The following GALNT13 variants were observed in gnomAD, a reference collection of about 807,000 sequenced individuals.
The protein encoded by GALNT13 is polypeptide N-acetylgalactosaminyltransferase 13.
A neutral mutation model predicts 64.2 loss-of-function variants in GALNT13; 28 were observed. That is an observed-to-expected ratio of 0.44 (90% CI 0.32 to 0.60). The LOEUF is 0.60. Ranked by LOEUF, GALNT13 falls within the 20% of genes least tolerant of loss-of-function variation. GALNT13 has a pLI of 0.05. For missense variants in GALNT13, 577 were observed against 669.8 expected (o/e 0.86, Z 1.53); for synonymous variants, 214 against 224.6 (o/e 0.95, Z 0.42).
chr2:153,547,644 T>A, the GALNT13 span, among the ~76,000 whole-genome samples: 1 of 152,240 alleles, frequency 6.6e-6, no homozygotes, highest in Non-Finnish European at 1.5e-5. Flanking sequence ...GAGCTTATGT[T>A]CTCATGAATA....
intron 3 of GALNT13, among the ~76,000 whole-genome samples, chr2:154,112,757 A>G (rs1703058231): frequency 6.6e-6 from 1 of 152,190 alleles, no homozygotes; most frequent in South Asian, 2.1e-4. Context: ...GTTCACTTTC[A>G]GGTGGTGCCT....
intron 3 of GALNT13, among the ~76,000 whole-genome samples, chr2:154,012,597 A>G (rs1696723717): frequency 6.6e-6 from 1 of 152,110 alleles, no homozygotes; most frequent in Non-Finnish European, 1.5e-5. Flanking sequence ...TTTTTTGAAC[A>G]TGAATATTGG....
At position 154,096,003 on chromosome 2, in the gene GALNT13, G is replaced by C. The variant is rs143930782; in HGVS notation, c.143-44334G>C. On this transcript the variant is annotated intron_variant, in intron 3 of 12. Coordinates refer to ENST00000392825, the MANE Select transcript of GALNT13 (RefSeq NM_052917.4). ...GTGCTAGACAAAGTAGCGATATGAAGTTTCTTTCGACTCTGAGAACAGGTA... is the reference window on the plus strand; with the variant it reads ...GTGCTAGACAAAGTAGCGATATGAACTTTCTTTCGACTCTGAGAACAGGTA... Among the ~76,000 whole-genome samples the C allele has an allele frequency of 3.9e-3, 589 of 152,030 alleles. 2 individuals carry two copies. The highest frequency in any genetic ancestry group is 0.014 in the African/African-American group (565 of 41,542).
chr2:153,205,626 C>A, the GALNT13 span, among the ~76,000 whole-genome samples: 1 of 152,078 alleles, frequency 6.6e-6, no homozygotes, highest in African/African-American at 2.4e-5. Context: ...TCCAACTGGT[C>A]CAATCCAATG....
the GALNT13 span, among the ~76,000 whole-genome samples, chr2:153,078,404 T>C: frequency 6.6e-6 from 1 of 151,602 alleles, no homozygotes; most frequent in South Asian, 2.1e-4. Flanking sequence ...GTCTGCCTTC[T>C]GGGTTCAAGT....
rs1030446264 is a variant in GALNT13 at position 153,994,715 on chromosome 2, C to A, written c.142+50076C>A. On this transcript the variant is annotated intron_variant, in intron 3 of 12. Transcript: ENST00000392825. ...TGTCTGTTGGCTGCATAAATGTCTT[C>A]TTTTGAGAAGCGTCTGTTCATATCC... Among the ~76,000 whole-genome samples the A allele has an allele frequency of 4.6e-5, 7 of 152,206 alleles. No homozygotes were observed. In the East Asian group the frequency reaches 1.4e-3, roughly 29 times the overall value.
At chr2:153,510,234 C>T in the GALNT13 span, among the ~76,000 whole-genome samples, 1 of 152,172 alleles carries the variant, frequency 6.6e-6, no homozygotes, top group Non-Finnish European at 1.5e-5. Context: ...GAGAGATGTT[C>T]CTAACAAAAG....
At chr2:154,442,597 G>A (rs1025538756) in intron 12 of GALNT13, among the ~76,000 whole-genome samples, 3 of 152,048 alleles carry the variant, frequency 2.0e-5, no homozygotes, top group African/African-American at 7.2e-5. Flanking sequence ...TCATCTCACT[G>A]AGACATTTTA....
chr2:153,710,228 C>T, the GALNT13 span, among the ~76,000 whole-genome samples: 1 of 152,024 alleles, frequency 6.6e-6, no homozygotes, highest in South Asian at 2.1e-4. Context: ...CAACACATAA[C>T]TTCGTACCTA....
the GALNT13 span, among the ~76,000 whole-genome samples, chr2:153,188,350 C>A: frequency 6.8e-6 from 1 of 147,560 alleles, no homozygotes; most frequent in Non-Finnish European, 1.5e-5. Flanking sequence ...AAGTACAGTA[C>A]TTTATACTTT....
intron 4 of GALNT13, among the ~76,000 whole-genome samples, chr2:154,177,339 C>G (rs1685708976): frequency 6.7e-6 from 1 of 149,342 alleles, no homozygotes; most frequent in Non-Finnish European, 1.5e-5. Context: ...ATGGTTTCAA[C>G]TATATGACAT....
the GALNT13 span, among the ~76,000 whole-genome samples, chr2:153,079,913 C>T: frequency 3.3e-5 from 5 of 152,086 alleles, no homozygotes; most frequent in Non-Finnish European, 7.3e-5. Flanking sequence ...GGCAGTCCCT[C>T]CAAGGTCAGC....
intron 3 of GALNT13, among the ~76,000 whole-genome samples, chr2:154,119,110 G>A (rs1333195619): frequency 6.6e-6 from 1 of 152,032 alleles, no homozygotes; most frequent in African/African-American, 2.4e-5. Context: ...TTCCTGTAAG[G>A]CAGGTCTAGT....
chr2:154,402,534 A>G (rs13014511), intron 10 of GALNT13, among the ~76,000 whole-genome samples: 99,400 of 152,178 alleles, frequency 0.65, 33,029 homozygotes, highest in Admixed American at 0.73. Context: ...AATTAAAGTT[A>G]AAACTATCTT....
intron 9 of GALNT13, among the ~76,000 whole-genome samples, chr2:154,349,782 A>G (rs1479692806): frequency 6.6e-6 from 1 of 152,222 alleles, no homozygotes; most frequent in Non-Finnish European, 1.5e-5. Flanking sequence ...ACACTGATAA[A>G]TAAGTGCCAT....
At chr2:153,582,851 AT>A in the GALNT13 span, among the ~76,000 whole-genome samples, 1 of 152,194 alleles carries the variant, frequency 6.6e-6, no homozygotes, top group Non-Finnish European at 1.5e-5. Context: ...ATATTGTAAC[AT>A]TACTGGCTGT....
chr2:153,487,855 G>T, the GALNT13 span, among the ~76,000 whole-genome samples: 2 of 152,138 alleles, frequency 1.3e-5, no homozygotes, highest in African/African-American at 2.4e-5. Flanking sequence ...TGAGGGCTTT[G>T]TTTTTTTGCA....
intron 8 of GALNT13, among the ~76,000 whole-genome samples, chr2:154,295,242 A>G (rs1692850167): frequency 6.6e-6 from 1 of 151,908 alleles, no homozygotes; most frequent in Non-Finnish European, 1.5e-5. Context: ...TTTCCCCCCA[A>G]TTATTGCTTT....
chr2:153,862,021 C>A, the GALNT13 span, among the ~76,000 whole-genome samples: 2 of 152,018 alleles, frequency 1.3e-5, no homozygotes. Flanking sequence ...CACTCTAATC[C>A]CAAAAGATAA....
Sources: allele counts gnomAD v4.1 joint callset (sites outside exome capture counted in the v4.1 genomes callset), GRCh38; gene constraint gnomAD v4.1.1; transcripts MANE v1.5; gene names NCBI Gene and HGNC (gene_info 2026-07-23, HGNC 2026-07-21).